The following PIBF1 variants were observed in gnomAD, a reference collection of about 807,000 sequenced individuals.
PIBF1 encodes progesterone immunomodulatory binding factor 1.
Under a neutral mutation model 112.5 loss-of-function variants are expected in PIBF1, and 90 were observed. The ratio of observed to expected loss-of-function variants is 0.80; its 90% CI spans 0.67 to 0.95. The LOEUF (loss-of-function observed/expected upper bound fraction) is 0.95, where lower values mean the gene tolerates loss of function less well. Among genes scored for constraint, PIBF1 ranks in the 40% least tolerant of loss-of-function variants. The pLI is 0.00. For synonymous variants in PIBF1, 301 were observed against 288.6 expected (o/e 1.04, Z -0.44); for missense variants, 915 against 852.3 (o/e 1.07, Z -0.92).
chr13:72,972,136 C>G (rs1339037694), intron 15 of PIBF1, among the ~76,000 whole-genome samples: 2 of 151,682 alleles, frequency 1.3e-5, no homozygotes, highest in African/African-American at 2.4e-5. Flanking sequence ...TGGGCTCGAG[C>G]GATCCTCCTA....
At chr13:72,955,911 A>C (rs992465314) in intron 14 of PIBF1, among the ~76,000 whole-genome samples, 7 of 152,172 alleles carry the variant, frequency 4.6e-5, no homozygotes, top group Non-Finnish European at 1.0e-4. Flanking sequence ...TTTGTCAGCC[A>C]TCTGAGTACT....
At chr13:72,816,942 C>CTA (rs1476811351) in intron 5 of PIBF1, among the ~76,000 whole-genome samples, 1 of 152,070 alleles carries the variant, frequency 6.6e-6, no homozygotes, top group Non-Finnish European at 1.5e-5. Flanking sequence ...AAGGGACAGC[C>CTA]TATAGCAGTC....
chr13:73,009,403 C>G (rs1566544598), intron 17 of PIBF1, among the ~76,000 whole-genome samples: 1 of 152,170 alleles, frequency 6.6e-6, no homozygotes, highest in East Asian at 1.9e-4. Flanking sequence ...GCCAAAAGGT[C>G]GAGGCGTGAT....
At chr13:72,958,761 G>C (rs2042525402) in intron 14 of PIBF1, among the ~76,000 whole-genome samples, 1 of 152,120 alleles carries the variant, frequency 6.6e-6, no homozygotes. Flanking sequence ...TTAATCACGT[G>C]GGAACATGAG....
intron 16 of PIBF1, among the ~76,000 whole-genome samples, chr13:72,985,371 C>CAA (rs67195605): frequency 0.21 from 16,216 of 76,252 alleles, 1,837 homozygotes; most frequent in East Asian, 0.27. Flanking sequence ...ACTAAAAATA[C>CAA]AAAAAAAAAA....
intron 8 of PIBF1, among the ~76,000 whole-genome samples, chr13:72,829,329 T>C (rs2036986738): frequency 6.6e-6 from 1 of 152,200 alleles, no homozygotes; most frequent in Non-Finnish European, 1.5e-5. Context: ...TTGCTTTTGG[T>C]GTTTTAGACA....
intron 8 of PIBF1, 63 bp from the exon 9 acceptor site, chr13:72,835,180 A>C: frequency 1.6e-6 from 2 of 1,237,794 alleles, no homozygotes. Context: ...AATCTTACGT[A>C]CAGTGCAAAA....
intron 12 of PIBF1, among the ~76,000 whole-genome samples, chr13:72,909,532 T>C: frequency 6.6e-6 from 1 of 151,882 alleles, no homozygotes; most frequent in East Asian, 1.9e-4. Flanking sequence ...TTCACTCTTG[T>C]TGCCCAGGCT....
intron 9 of PIBF1, among the ~76,000 whole-genome samples, chr13:72,839,757 TC>T (rs2037522075): frequency 1.3e-5 from 2 of 152,162 alleles, no homozygotes; most frequent in Non-Finnish European, 2.9e-5. Flanking sequence ...TTAAAGTTTA[TC>T]CCATTGTAAC....
intron 14 of PIBF1, among the ~76,000 whole-genome samples, chr13:72,951,149 C>T (rs1479714725): frequency 6.6e-6 from 1 of 152,220 alleles, no homozygotes; most frequent in Non-Finnish European, 1.5e-5. Context: ...TGTGTACACA[C>T]ACATCAGTGC....
chr13:72,961,604 A>G lies in PIBF1; in HGVS notation c.1834-3670A>G, dbSNP rs368190014. ...TATCGCCAAATAGTATCTAAAGGTC[A>G]TAGAATAGTTAGGAATTCTGTCATT... On this transcript the variant is annotated intron_variant, in intron 14 of 17. Transcript: ENST00000326291. Among the ~76,000 whole-genome samples, 11 of 152,314 alleles carry G rather than the reference A, an allele frequency of 7.2e-5. No individual in the cohort carries two copies. In the East Asian group the frequency reaches 1.2e-3, roughly 16 times the overall value.
chr13:72,821,954 C>T lies in PIBF1; in HGVS notation c.778C>T (p.Arg260Cys), dbSNP rs780265946. The change falls in exon 6 of 18, where the codon CGT (arginine) becomes TGT (cysteine). Residue 260 changes from arginine (R) to cysteine (C), a missense_variant. Coordinates refer to ENST00000326291, the MANE Select transcript of PIBF1 (RefSeq NM_006346.4). ...TKQLIQQGDY[R>C]QENYDKVKSE... is the part of the protein sequence containing the mutation. The stretch of plus-strand genomic sequence containing the variant: ...ACAGTTAATTCAGCAAGGTGACTAC[C>T]GTCAAGAGAACTATGATAAAGTCAA... 1.7e-5 allele frequency: 27 copies of T among 1,611,908 alleles called. No homozygotes were observed. Among genetic ancestry groups the T allele is most frequent in the Non-Finnish European group, 2.0e-5 (23 of 1,178,904 alleles).
At chr13:72,987,558 C>A (rs1302892617) in intron 16 of PIBF1, among the ~76,000 whole-genome samples, 1 of 151,804 alleles carries the variant, frequency 6.6e-6, no homozygotes, top group Non-Finnish European at 1.5e-5. Context: ...AGCTTTGACC[C>A]CAGAAAGGCC....
At position 72,946,140 on chromosome 13, in the gene PIBF1, C is replaced by T. The variant is rs569871705; in HGVS notation, c.1833+14873C>T. 3.9e-5 allele frequency among the ~76,000 whole-genome samples: 6 copies of T among 152,222 alleles called. No homozygotes were observed. The South Asian group carries it at 1.0e-3, about 26-fold the overall frequency. On this transcript the variant is annotated intron_variant, in intron 14 of 17. Coordinates refer to ENST00000326291, the MANE Select transcript of PIBF1 (RefSeq NM_006346.4). Reference sequence around the variant, plus strand: ...ATGAAGGAAAGAGGTTTCATTGACTCACAGTTCTGCAGGGCTGAGGAGGCC... The same window carrying T: ...ATGAAGGAAAGAGGTTTCATTGACTTACAGTTCTGCAGGGCTGAGGAGGCC...
chr13:72,933,112 CCT>C (rs2041762170), intron 14 of PIBF1, among the ~76,000 whole-genome samples: 1 of 152,076 alleles, frequency 6.6e-6, no homozygotes, highest in Non-Finnish European at 1.5e-5. Flanking sequence ...AACAAACAAA[CCT>C]CTGTTTGCTA....
intron 2 of PIBF1, among the ~76,000 whole-genome samples, chr13:72,790,991 G>A (rs1260349830): frequency 1.3e-5 from 2 of 152,082 alleles, no homozygotes; most frequent in Admixed American, 6.6e-5. Context: ...TGCAAGAGGA[G>A]GGATTTACTT....
At chr13:72,838,591 C>T (rs549969574) in intron 9 of PIBF1, among the ~76,000 whole-genome samples, 122 of 152,214 alleles carry the variant, frequency 8.0e-4, no homozygotes, top group African/African-American at 2.8e-3. Context: ...GATACAGAAA[C>T]AGCTGGATTT....
intron 15 of PIBF1, chr13:72,969,503 ATACTTTC>A (rs2042835232): frequency 6.6e-6 from 1 of 152,210 alleles, no homozygotes; most frequent in Admixed American, 6.5e-5. Context: ...AAAGTTATTA[ATACTTTC>A]AGTAGTTTAA....
chr13:72,955,658 C>T (rs1164544736), intron 14 of PIBF1, among the ~76,000 whole-genome samples: 1 of 151,982 alleles, frequency 6.6e-6, no homozygotes, highest in Non-Finnish European at 1.5e-5. Flanking sequence ...TACAGTTGAA[C>T]CACATTAAAA....
Sources: allele counts gnomAD v4.1 joint callset (sites outside exome capture counted in the v4.1 genomes callset), GRCh38; gene constraint gnomAD v4.1.1; transcripts MANE v1.5; gene names NCBI Gene and HGNC (gene_info 2026-07-23, HGNC 2026-07-21).